The following TAFA1 variants were observed in gnomAD, a reference collection of about 807,000 sequenced individuals.
TAFA1 encodes TAFA chemokine like family member 1, also known as chemokine-like protein TAFA-1.
TAFA1 carries 4 observed loss-of-function variants against 18.5 expected under a neutral mutation model. That is an observed-to-expected ratio of 0.22 (90% CI 0.11 to 0.49). The LOEUF (loss-of-function observed/expected upper bound fraction) is 0.49. Among genes scored for constraint, TAFA1 ranks in the 20% least tolerant of loss-of-function variants. The pLI, the probability that TAFA1 is intolerant of heterozygous loss-of-function variation, is 0.98. For missense variants in TAFA1, 147 were observed against 169.0 expected (o/e 0.87, Z 0.72); for synonymous variants, 56 against 55.2 (o/e 1.01, Z -0.06).
intron 2 of TAFA1, among the ~76,000 whole-genome samples, chr3:68,387,126 G>A (rs1325911201): frequency 6.6e-6 from 1 of 151,746 alleles, no homozygotes; most frequent in Non-Finnish European, 1.5e-5. Flanking sequence ...CAAGAAGAGT[G>A]TGATGGAACA....
chr3:68,209,376 T>C (rs2066566445), intron 2 of TAFA1, among the ~76,000 whole-genome samples: 1 of 152,038 alleles, frequency 6.6e-6, no homozygotes, highest in Non-Finnish European at 1.5e-5. Flanking sequence ...TAACCTTCCA[T>C]GCAGAATATT....
intron 2 of TAFA1, among the ~76,000 whole-genome samples, chr3:68,106,515 T>C (rs1231146954): frequency 6.6e-6 from 1 of 152,092 alleles, no homozygotes; most frequent in Non-Finnish European, 1.5e-5. Flanking sequence ...TTATAGCTAA[T>C]ACATATTTGT....
At chr3:68,483,209 A>C (rs1233700093) in intron 3 of TAFA1, among the ~76,000 whole-genome samples, 1 of 152,212 alleles carries the variant, frequency 6.6e-6, no homozygotes, top group Non-Finnish European at 1.5e-5. Context: ...ACTCATAAGG[A>C]TCTTGCATAA....
At chr3:68,122,274 C>A (rs544045253) in intron 2 of TAFA1, among the ~76,000 whole-genome samples, 2 of 152,152 alleles carry the variant, frequency 1.3e-5, no homozygotes, top group South Asian at 4.2e-4. Flanking sequence ...CAGCATATGG[C>A]CAGCATTTCA....
chr3:68,048,997 C>T (rs1441231241), intron 2 of TAFA1, among the ~76,000 whole-genome samples: 1 of 152,150 alleles, frequency 6.6e-6, no homozygotes, highest in African/African-American at 2.4e-5. Context: ...ATTACTGAAT[C>T]ATACGGAAGT....
intron 2 of TAFA1, among the ~76,000 whole-genome samples, chr3:68,007,688 T>C (rs1432574283): frequency 2.1e-5 from 3 of 146,048 alleles, no homozygotes; most frequent in Admixed American, 6.9e-5. Context: ...TTTCTGATGC[T>C]CAGTTCTGAA....
At chr3:68,455,088 C>G (rs966628898) in intron 3 of TAFA1, among the ~76,000 whole-genome samples, 1 of 151,910 alleles carries the variant, frequency 6.6e-6, no homozygotes, top group Non-Finnish European at 1.5e-5. Flanking sequence ...ATCAAGTAAA[C>G]TAGAGAAAAG....
At chr3:68,338,474 C>T (rs1251330506) in intron 2 of TAFA1, among the ~76,000 whole-genome samples, 4 of 152,134 alleles carry the variant, frequency 2.6e-5, no homozygotes, top group Non-Finnish European at 2.9e-5. Context: ...AAAAATAACA[C>T]AGATATCATT....
At chr3:68,237,428 A>G (rs1174036649) in intron 2 of TAFA1, among the ~76,000 whole-genome samples, 1 of 152,188 alleles carries the variant, frequency 6.6e-6, no homozygotes, top group Non-Finnish European at 1.5e-5. Context: ...GAGGACACAA[A>G]CATTCAGACC....
intron 3 of TAFA1, among the ~76,000 whole-genome samples, chr3:68,481,398 C>T (rs1005608645): frequency 7.9e-5 from 12 of 152,208 alleles, no homozygotes; most frequent in African/African-American, 2.9e-4. Context: ...GTGTCTTGCT[C>T]AAACTGCTAA....
chr3:68,512,962 C>T (rs922800132), intron 3 of TAFA1, among the ~76,000 whole-genome samples: 4 of 152,028 alleles, frequency 2.6e-5, no homozygotes, highest in East Asian at 1.9e-4. Flanking sequence ...TTTCAACAAC[C>T]GTGCAAAGTG....
chr3:68,274,364 C>T (rs1459065864), intron 2 of TAFA1, among the ~76,000 whole-genome samples: 1 of 152,138 alleles, frequency 6.6e-6, no homozygotes, highest in South Asian at 2.1e-4. Context: ...ATTTTTCTGT[C>T]TAGTGTTCAG....
chr3:68,116,083 C>T (rs2065321133), intron 2 of TAFA1, among the ~76,000 whole-genome samples: 1 of 152,138 alleles, frequency 6.6e-6, no homozygotes, highest in East Asian at 1.9e-4. Context: ...GATGAAACCC[C>T]GTCTCTACTA....
chr3:68,064,117 G>A (rs535575737), intron 2 of TAFA1, among the ~76,000 whole-genome samples: 1 of 152,266 alleles, frequency 6.6e-6, no homozygotes, highest in African/African-American at 2.4e-5. Flanking sequence ...CAAAATAGGG[G>A]AGAACCGGCA....
chr3:68,028,230 G>T (rs950853522), intron 2 of TAFA1, among the ~76,000 whole-genome samples: 1 of 152,084 alleles, frequency 6.6e-6, no homozygotes, highest in Non-Finnish European at 1.5e-5. Flanking sequence ...AGCCTGAAAG[G>T]TGGAGGTTGC....
chr3:68,134,318 A>T (rs969834693), intron 2 of TAFA1, among the ~76,000 whole-genome samples: 1 of 152,146 alleles, frequency 6.6e-6, no homozygotes, highest in Non-Finnish European at 1.5e-5. Flanking sequence ...AGTCACATTC[A>T]AATTCTTAAT....
intron 2 of TAFA1, among the ~76,000 whole-genome samples, chr3:68,225,149 C>G (rs1453601146): frequency 6.6e-6 from 1 of 151,792 alleles, no homozygotes; most frequent in Non-Finnish European, 1.5e-5. Flanking sequence ...ACCTCGTGAT[C>G]CACCTGCCTC....
intron 3 of TAFA1, among the ~76,000 whole-genome samples, chr3:68,455,913 C>T (rs981880569): frequency 5.3e-5 from 8 of 152,074 alleles, no homozygotes; most frequent in East Asian, 1.9e-4. Flanking sequence ...TAGAGTGTCA[C>T]GCTTAAGGAG....
At chr3:68,079,565 T>C (rs2064870563) in intron 2 of TAFA1, among the ~76,000 whole-genome samples, 1 of 152,200 alleles carries the variant, frequency 6.6e-6, no homozygotes, top group Admixed American at 6.5e-5. Flanking sequence ...TTCATTTCGT[T>C]ATGTACCTAG....
Sources: allele counts gnomAD v4.1 joint callset (sites outside exome capture counted in the v4.1 genomes callset), GRCh38; gene constraint gnomAD v4.1.1; transcripts MANE v1.5; gene names NCBI Gene and HGNC (gene_info 2026-07-23, HGNC 2026-07-21).